The following FBXO30 variants were observed in gnomAD, a reference collection of about 807,000 sequenced individuals.
FBXO30 encodes F-box protein 30.
In FBXO30, 21 loss-of-function variants were observed where a neutral mutation model predicts 58.1. The ratio of observed to expected loss-of-function variants is 0.36; its 90% CI spans 0.26 to 0.52. The LOEUF is 0.52. Ranked by LOEUF, FBXO30 falls within the 20% of genes least tolerant of loss-of-function variation. The pLI is 0.93. For synonymous variants in FBXO30, 309 were observed against 312.4 expected, an observed-to-expected ratio of 0.99 and a Z score of 0.11; for missense variants, 744 against 897.3, an observed-to-expected ratio of 0.83 and a Z score of 2.18.
At chr6:145,807,444 A>G (rs35807318) in intron 1 of FBXO30, among the ~76,000 whole-genome samples, 11,161 of 152,288 alleles carry the variant, frequency 0.073, 486 homozygotes, top group South Asian at 0.11. Flanking sequence ...CAAAACCTCA[A>G]GTTCCCTAGT....
chr6:145,809,326 G>A (rs1398721238), intron 1 of FBXO30, among the ~76,000 whole-genome samples: 1 of 152,154 alleles, frequency 6.6e-6, no homozygotes, highest in Non-Finnish European at 1.5e-5. Flanking sequence ...ACTAGACTGA[G>A]TTGATCTCAC....
Position 145,800,157 on chromosome 6 carries a change from T to C in FBXO30, c.2187A>G (p.Glu729=), listed in dbSNP as rs1447291826. The part of the protein sequence containing the change: ...IPLPCMCVTR[E]LTKEGRSLRS... ...GTAGTGAACGTCCTTCTTTAGTGAG[T>C]TCTCGTGTCACACACATACATGGCA... The change falls in exon 3 of 3, where the codon GAA becomes GAG. Residue 729 remains glutamate, a synonymous_variant. Coordinates refer to ENST00000237281, the MANE Select transcript of FBXO30 (RefSeq NM_032145.5). The C allele has an allele frequency of 6.2e-7, 1 of 1,612,918 alleles. No individual in the cohort carries two copies. The highest frequency in any genetic ancestry group is 1.3e-5 in the African/African-American group (1 of 74,820).
chr6:145,813,181 A>C (rs1385448969), intron 1 of FBXO30, among the ~76,000 whole-genome samples: 4 of 152,186 alleles, frequency 2.6e-5, no homozygotes, highest in African/African-American at 9.7e-5. Flanking sequence ...ACTTTTTAGA[A>C]GAAGTCTCCC....
At position 145,795,664 on chromosome 6, in the gene FBXO30, GAA is replaced by G. The variant is rs1777855662; in HGVS notation, c.*4440_*4441del. 6.6e-6 allele frequency: 1 copy of G among 151,724 alleles called. No homozygotes were observed. Among genetic ancestry groups the G allele is most frequent in the African/African-American group, 2.4e-5 (1 of 41,352 alleles). The allele number at this position is 151,724 out of a possible 1,614,324, so 9.4% of individuals were successfully genotyped here. A position where few individuals can be genotyped will look rare whatever the true frequency, so the allele number is the denominator to read the frequency against. Reference sequence around the variant, plus strand: ...ACCCATTTCTTTGTAGTTTATTAATGAAAAGTCACTCTCCACATAATACATTG... The same window carrying G: ...ACCCATTTCTTTGTAGTTTATTAATGAAGTCACTCTCCACATAATACATTG... On this transcript the variant is annotated 3_prime_UTR_variant, in exon 3 of 3. Coordinates refer to ENST00000237281, the MANE Select transcript of FBXO30 (RefSeq NM_032145.5).
Position 145,805,820 on chromosome 6 carries a change from C to G in FBXO30, c.586G>C (p.Ala196Pro). ...TVETTRSLAA[A>P]LDILNTATRD... is the part of the protein sequence containing the mutation. ...GTAGCAGTATTCAGGATATCCAAAG[C>G]AGCAGCCAAACTTCTGGTTGTTTCT... The change falls in exon 2 of 3, where the codon GCT (alanine) becomes CCT (proline). Residue 196 changes from alanine (A) to proline (P), a missense_variant. Ala to Pro is a conservative substitution (Grantham distance 27). This residue lies in a region of FBXO30 where 275 missense variants were observed against 262.0 expected (regional missense o/e 1.05). Coordinates refer to ENST00000237281, the MANE Select transcript of FBXO30 (RefSeq NM_032145.5). 1.2e-6 allele frequency: 2 copies of G among 1,614,066 alleles called. No individual in the cohort carries two copies. The highest frequency in any genetic ancestry group is 2.7e-5 in the African/African-American group (2 of 75,042).
rs769732095 is a variant in FBXO30 at position 145,805,000 on chromosome 6, G to A, written c.1406C>T (p.Ala469Val). 1 of 1,613,758 alleles carries A rather than the reference G, an allele frequency of 6.2e-7. No homozygotes were observed. Among genetic ancestry groups the A allele is most frequent in the African/African-American group, 1.3e-5 (1 of 74,898 alleles). Reference sequence around the variant, plus strand: ...TATCTCCCCAACCATTGTACTTGTAGCTAATATTGCAGATGGAAGTGAAAA... The same window carrying A: ...TATCTCCCCAACCATTGTACTTGTAACTAATATTGCAGATGGAAGTGAAAA... ...QTFSLPSAILATSTMVGEIAS... is the reference protein window; with the variant it reads ...QTFSLPSAILVTSTMVGEIAS... The change falls in exon 2 of 3, where the codon GCT becomes GTT. Residue 469 changes from alanine to valine, a missense_variant. Physicochemically the swap from Ala to Val is moderately conservative, Grantham distance 64. Coordinates refer to ENST00000237281, the MANE Select transcript of FBXO30 (RefSeq NM_032145.5).
chr6:145,799,585 G>A lies in FBXO30; in HGVS notation c.*521C>T, dbSNP rs1777935714. The A allele has an allele frequency of 6.6e-6, 1 of 152,538 alleles. No individual in the cohort carries two copies. Among genetic ancestry groups the A allele is most frequent in the African/African-American group, 2.4e-5 (1 of 41,408 alleles). 9.4% of individuals were successfully genotyped at this position (152,538 alleles called of 1,614,324 possible). A position where few individuals can be genotyped will look rare whatever the true frequency, so the allele number is the denominator to read the frequency against. ...AAACTTTATGATTTTACGTATGTAA[G>A]TATATATTAGAGATCATTTGTGCAT... is the stretch of plus-strand genomic sequence containing the variant. On this transcript the variant is annotated 3_prime_UTR_variant, in exon 3 of 3. Coordinates refer to ENST00000237281, the MANE Select transcript of FBXO30 (RefSeq NM_032145.5).
chr6:145,812,123 T>C (rs1583203084), intron 1 of FBXO30, among the ~76,000 whole-genome samples: 1 of 152,188 alleles, frequency 6.6e-6, no homozygotes, highest in East Asian at 1.9e-4. Context: ...TGGATTACAA[T>C]GTGTACATTC....
chr6:145,814,557 C>G (rs895159612), intron 1 of FBXO30, 46 bp downstream of exon 1: 9 of 151,788 alleles, frequency 5.9e-5, no homozygotes, highest in African/African-American at 2.2e-4. Flanking sequence ...GTCCCCGCCG[C>G]AGCGCGGACG....
intron 1 of FBXO30, among the ~76,000 whole-genome samples, chr6:145,807,132 T>C (rs1400114740): frequency 6.6e-6 from 1 of 152,352 alleles, no homozygotes; most frequent in Non-Finnish European, 1.5e-5. Context: ...TTAACTATCA[T>C]GGACCATGCA....
At chr6:145,814,562 C>A (rs2128669395) in intron 1 of FBXO30, 41 bp downstream of exon 1, 1 of 151,846 alleles carries the variant, frequency 6.6e-6, no homozygotes, top group South Asian at 2.1e-4. Context: ...CGCCGCAGCG[C>A]GGACGGCGCC....
intron 1 of FBXO30, among the ~76,000 whole-genome samples, chr6:145,810,715 CA>C (rs1354691106): frequency 6.6e-6 from 1 of 151,918 alleles, no homozygotes; most frequent in Non-Finnish European, 1.5e-5. Flanking sequence ...ATATTGCCCT[CA>C]AAAAAGCATT....
chr6:145,804,317 A>T, intron 2 of FBXO30, 55 bp downstream of exon 2: 1 of 1,380,066 alleles, frequency 7.2e-7, no homozygotes, highest in Non-Finnish European at 9.9e-7. Flanking sequence ...TTAATTCAGC[A>T]GTATTATTAA....
chr6:145,802,902 C>T (rs1280517693), intron 2 of FBXO30, among the ~76,000 whole-genome samples: 1 of 152,058 alleles, frequency 6.6e-6, no homozygotes, highest in Non-Finnish European at 1.5e-5. Context: ...GCCAACATAA[C>T]TCCTAAATTC....
chr6:145,814,351 G>C (rs1271587942), intron 1 of FBXO30, among the ~76,000 whole-genome samples: 1 of 152,148 alleles, frequency 6.6e-6, no homozygotes, highest in Non-Finnish European at 1.5e-5. Context: ...CTCAACGGCT[G>C]GCCCGGCATG....
Position 145,794,494 on chromosome 6 carries a change from G to A in FBXO30, c.*5612C>T, listed in dbSNP as rs1264360465. ...TCCACTGAATTATTAGCCATTCAGA[G>A]TAAGTTATTTCATATGACATGGCTG... On this transcript the variant is annotated 3_prime_UTR_variant, in exon 3 of 3. Coordinates refer to ENST00000237281, the MANE Select transcript of FBXO30 (RefSeq NM_032145.5). The A allele has an allele frequency of 6.6e-6, 1 of 151,926 alleles. No homozygotes were observed. The highest frequency in any genetic ancestry group is 2.4e-5 in the African/African-American group (1 of 41,428). 9.4% of individuals were successfully genotyped at this position (151,926 alleles called of 1,614,324 possible).
rs1170483465 is a variant in FBXO30 at position 145,804,949 on chromosome 6, G to C, written c.1457C>G (p.Ala486Gly). The C allele has an allele frequency of 1.2e-6, 2 of 1,613,772 alleles. No homozygotes were observed. Among genetic ancestry groups the C allele is most frequent in the Admixed American group, 1.7e-5 (1 of 59,910 alleles). ...EIASASACDHANPQLSNPSPF... is the reference protein window; with the variant it reads ...EIASASACDHGNPQLSNPSPF... ...ACTTGGATTTGAAAGCTGTGGATTG[G>C]CATGATCACAAGCTGAAGCTGAAGC... The change falls in exon 2 of 3, where the codon GCC (alanine) becomes GGC (glycine). Residue 486 changes from alanine (A) to glycine (G), a missense_variant. Physicochemically the swap from Ala to Gly is moderately conservative, Grantham distance 60. This residue lies in a region of FBXO30 where 334 missense variants were observed against 433.7 expected (regional missense o/e 0.77). Coordinates refer to ENST00000237281, the MANE Select transcript of FBXO30 (RefSeq NM_032145.5).
At position 145,795,059 on chromosome 6, in the gene FBXO30, T is replaced by TAAA. The variant is rs1385699718; in HGVS notation, c.*5044_*5046dup. 13 of 151,902 alleles carry TAAA rather than the reference T, an allele frequency of 8.6e-5. No individual in the cohort carries two copies. The highest frequency in any genetic ancestry group is 1.9e-4 in the Non-Finnish European group (13 of 67,760). 9.4% of individuals were successfully genotyped at this position (151,902 alleles called of 1,614,324 possible). A position where few individuals can be genotyped will look rare whatever the true frequency, so the allele number is the denominator to read the frequency against. On this transcript the variant is annotated 3_prime_UTR_variant, in exon 3 of 3. Transcript: ENST00000237281. ...TTACTGTTCTTATGTCATCAGACTT[T>TAAA]AAAACTACTAAATACTAATATAACA...
At position 145,804,412 on chromosome 6, in the gene FBXO30, T is replaced by C. The variant is rs1286388053; in HGVS notation, c.1994A>G (p.Lys665Arg). The C allele has an allele frequency of 3.7e-6, 6 of 1,613,572 alleles. No homozygotes were observed. The African/African-American group carries it at 4.0e-5, about 11-fold the overall frequency. ...CCATGATGAATTTCCTTCTGGATAC[T>C]TCCTTTTCCCCCACTGCAGTATGAC... ...GMVILQWGKR[K>R]YPEGNSSWQI... Residue 665 changes from lysine to arginine, a missense_variant, in exon 2 of 3, where the codon AAG (lysine) becomes AGG (arginine). Lys to Arg is a conservative substitution (Grantham distance 26). Transcript: ENST00000237281.
Sources: gnomAD v4.1 joint callset for allele counts (sites outside exome capture counted in the v4.1 genomes callset) on GRCh38, gnomAD v4.1.1 for gene constraint, gnomAD v4.1.1 regional missense constraint, MANE v1.5 for transcripts, NCBI Gene and HGNC (gene_info 2026-07-23, HGNC 2026-07-21) for gene names.